Variants in EYS observed in about 807,000 individuals in gnomAD.
The protein encoded by EYS is protein eyes shut homolog.
Under a neutral mutation model 282.1 loss-of-function variants are expected in EYS, and 250 were observed. That is an observed-to-expected ratio of 0.89 (90% CI 0.80 to 0.98). The LOEUF is 0.98. Ranked by LOEUF, EYS falls within the 50% of genes least tolerant of loss-of-function variation. The pLI, the probability that EYS is intolerant of heterozygous loss-of-function variation, is 0.00. For synonymous variants in EYS, 1,355 were observed against 1,282.9 expected (o/e 1.06, Z -1.20); for missense variants, 4,016 against 3,709.0 (o/e 1.08, Z -2.15).
In EYS at chr6:64,510,207, G is replaced by A. The variant is rs192791299; in HGVS notation, c.5645-70855C>T. Among the ~76,000 whole-genome samples, 380 of 151,950 alleles carry A rather than the reference G, an allele frequency of 2.5e-3. 1 individual carries two copies. Among genetic ancestry groups the A allele is most frequent in the African/African-American group, 8.3e-3 (344 of 41,466 alleles). ...GAAATTTCATGGACAGGCTATTTTT[G>A]GTGTAAATGTTCATAATTAATTTTC... On this transcript the variant is annotated intron_variant, in intron 26 of 42. Coordinates refer to ENST00000503581, the MANE Select transcript of EYS (RefSeq NM_001142800.2).
rs1197863938 is a variant in EYS at position 63,762,633 on chromosome 6, G to T, written c.7899C>A (p.Tyr2633Ter). 1.9e-6 allele frequency: 3 copies of T among 1,549,246 alleles called. No individual in the cohort carries two copies. The highest frequency in any genetic ancestry group is 2.7e-5 in the African/African-American group (2 of 72,886). The change falls in exon 41 of 43, where the codon TAC (tyrosine) becomes TAA (stop). Residue 2633 changes from tyrosine (Y) to a stop codon, truncating the protein, a stop_gained and splice_region_variant. Transcript: ENST00000503581. LOFTEE classifies it high-confidence loss of function. ...CTTTCCACCCAGTGGTACAATTGCA[G>T]CTGTGGGTTGAGAGAAAGCCGCATG... ...GTCIESGTSVYCNCTTGWKGS... is the reference protein window; with the variant it reads ...GTCIESGTSV
intron 1 of EYS, among the ~76,000 whole-genome samples, chr6:65,669,054 T>C (rs1768292315): frequency 6.6e-6 from 1 of 151,980 alleles, no homozygotes; most frequent in African/African-American, 2.4e-5. Context: ...ATGATGTTTA[T>C]TTAAGTATAT....
At chr6:65,631,582 G>A (rs1190878077) in intron 2 of EYS, among the ~76,000 whole-genome samples, 3 of 151,988 alleles carry the variant, frequency 2.0e-5, no homozygotes, top group Non-Finnish European at 4.4e-5. Flanking sequence ...ACTTCATTAT[G>A]ACTGAACAAG....
At chr6:64,950,825 A>G (rs1441038625) in intron 14 of EYS, among the ~76,000 whole-genome samples, 1 of 116,694 alleles carries the variant, frequency 8.6e-6, no homozygotes, top group Non-Finnish European at 1.8e-5. Context: ...ATATATATAT[A>G]TATATATATT....
Position 65,024,547 on chromosome 6 carries a change from G to A in EYS, c.2138-26844C>T, listed in dbSNP as rs955407754. ...CAGTTTTTCAGAATTCATGCGTCAC[G>A]AATGTGGTTTACTTCTTCAAAATTG... On this transcript the variant is annotated intron_variant, in intron 13 of 42. Coordinates refer to ENST00000503581, the MANE Select transcript of EYS (RefSeq NM_001142800.2). Among the ~76,000 whole-genome samples the A allele has an allele frequency of 2.6e-5, 4 of 152,270 alleles. 1 individual carries two copies. The highest frequency in any genetic ancestry group is 2.4e-5 in the African/African-American group (1 of 41,556).
rs886061663 is a variant in EYS, at chr6:63,720,498, T to C, written c.*98A>G. The C allele has an allele frequency of 1.2e-5, 10 of 831,600 alleles. No homozygotes were observed. Among genetic ancestry groups the C allele is most frequent in the African/African-American group, 1.7e-5 (1 of 57,558 alleles). 51.5% of individuals were successfully genotyped at this position (831,600 alleles called of 1,614,324 possible). On this transcript the variant is annotated 3_prime_UTR_variant, in exon 43 of 43. Transcript: ENST00000503581. ...AGCATTTAGACTATTTCAGGTAATA[T>C]AGTAAACAGTTGATTCCCCGTAAGC...
chr6:65,444,234 A>AT (rs1303430409), intron 5 of EYS, among the ~76,000 whole-genome samples: 2 of 151,992 alleles, frequency 1.3e-5, no homozygotes, highest in Non-Finnish European at 2.9e-5. Flanking sequence ...TTCAGGCACT[A>AT]TTTTTTAAAA....
intron 2 of EYS, among the ~76,000 whole-genome samples, chr6:65,622,560 G>A (rs187766819): frequency 4.6e-5 from 7 of 151,660 alleles, no homozygotes; most frequent in African/African-American, 1.7e-4. Context: ...CAGTTTTATG[G>A]GATGGTGGTG....
Position 65,707,173 on chromosome 6 carries a change from CTTCTGATTACGGTT to C in EYS, c.-500_-487del, listed in dbSNP as rs1769910545. On this transcript the variant is annotated 5_prime_UTR_variant, in exon 1 of 43. The change abolishes the stop of an existing upstream ORF in the 5' untranslated region. Transcript: ENST00000503581. ...CAAGGAGGCTTGCAACCCTAGGAGG[CTTCTGATTACGGTT>C]AATGTCTGGACATGCCTAGCGTGTA... 1 of 152,076 alleles carries C rather than the reference CTTCTGATTACGGTT, an allele frequency of 6.6e-6. No individual in the cohort carries two copies. The highest frequency in any genetic ancestry group is 6.6e-5 in the Admixed American group (1 of 15,262). 9.4% of individuals were successfully genotyped at this position (152,076 alleles called of 1,614,324 possible). A position where few individuals can be genotyped will look rare whatever the true frequency, so the allele number is the denominator to read the frequency against.
chr6:63,898,915 G>C (rs1172167976), intron 35 of EYS, among the ~76,000 whole-genome samples: 1 of 152,172 alleles, frequency 6.6e-6, no homozygotes, highest in African/African-American at 2.4e-5. Flanking sequence ...TGAAGAATAA[G>C]TGCAAATTTT....
chr6:65,491,270 T>TAC (rs57650145), intron 4 of EYS: 22,148 of 169,800 alleles, frequency 0.13, 1,345 homozygotes, highest in African/African-American at 0.17. Flanking sequence ...ATCAGTTATA[T>TAC]ACACACACAC....
intron 18 of EYS, among the ~76,000 whole-genome samples, chr6:64,898,937 G>A (rs550631984): frequency 6.6e-6 from 1 of 151,576 alleles, no homozygotes; most frequent in African/African-American, 2.4e-5. Context: ...TACAATACAG[G>A]AGCACCCAGA....
intron 13 of EYS, among the ~76,000 whole-genome samples, chr6:65,017,203 T>C (rs1772083842): frequency 1.3e-5 from 2 of 152,170 alleles, no homozygotes; most frequent in South Asian, 4.1e-4. Context: ...CCTTTAGAAA[T>C]AATATGCTAA....
intron 22 of EYS, among the ~76,000 whole-genome samples, chr6:64,659,282 A>T (rs1030662408): frequency 6.6e-6 from 1 of 152,212 alleles, no homozygotes; most frequent in African/African-American, 2.4e-5. Flanking sequence ...AAGAGAAAGC[A>T]GGAAAGATTT....
intron 12 of EYS, among the ~76,000 whole-genome samples, chr6:65,196,680 A>G (rs1316186571): frequency 6.6e-6 from 1 of 152,140 alleles, no homozygotes; most frequent in South Asian, 2.1e-4. Flanking sequence ...GAGAAGTACT[A>G]TAAAGAAAAC....
intron 22 of EYS, among the ~76,000 whole-genome samples, chr6:64,650,443 C>A (rs146538134): frequency 1.4e-3 from 209 of 151,634 alleles, no homozygotes; most frequent in African/African-American, 4.9e-3. Flanking sequence ...AAGAGAAACC[C>A]CAAAAAGAAA....
chr6:64,085,745 A>G (rs1486128912), intron 31 of EYS, among the ~76,000 whole-genome samples: 1 of 152,224 alleles, frequency 6.6e-6, no homozygotes, highest in Non-Finnish European at 1.5e-5. Context: ...ATACAACTTA[A>G]CTATTATTAA....
chr6:65,007,726 C>A (rs1771727337), intron 13 of EYS, among the ~76,000 whole-genome samples: 1 of 152,118 alleles, frequency 6.6e-6, no homozygotes, highest in Non-Finnish European at 1.5e-5. Flanking sequence ...CAATGTTCCC[C>A]AATTATGCCC....
At chr6:64,575,678 T>C (rs1765859035) in intron 26 of EYS, among the ~76,000 whole-genome samples, 1 of 152,052 alleles carries the variant, frequency 6.6e-6, no homozygotes, top group Non-Finnish European at 1.5e-5. Flanking sequence ...ATATGGTAAA[T>C]TAGTCAGCAG....
Sources: allele counts gnomAD v4.1 joint callset (sites outside exome capture counted in the v4.1 genomes callset), GRCh38; gene constraint gnomAD v4.1.1; transcripts MANE v1.5; gene names NCBI Gene and HGNC (gene_info 2026-07-23, HGNC 2026-07-21).